The following NKAIN2 variants were observed in gnomAD, a reference collection of about 807,000 sequenced individuals.
NKAIN2 encodes the protein sodium/potassium transporting ATPase interacting 2, also known as sodium/potassium-transporting ATPase subunit beta-1-interacting protein 2.
NKAIN2 carries 14 observed loss-of-function variants against 32.6 expected under a neutral mutation model. That is an observed-to-expected ratio of 0.43 (90% CI 0.28 to 0.67). The LOEUF is 0.67. Among genes scored for constraint, NKAIN2 ranks in the 30% least tolerant of loss-of-function variants. NKAIN2 has a pLI of 0.17. For synonymous variants in NKAIN2, 80 were observed against 87.2 expected (o/e 0.92, Z 0.46); for missense variants, 198 against 258.3 (o/e 0.77, Z 1.60).
intron 5 of NKAIN2, among the ~76,000 whole-genome samples, chr6:124,817,157 A>G (rs1781201527): frequency 6.6e-6 from 1 of 152,230 alleles, no homozygotes; most frequent in African/African-American, 2.4e-5. Flanking sequence ...CCCACAGCCC[A>G]CAGGCTACAT....
intron 3 of NKAIN2, among the ~76,000 whole-genome samples, chr6:124,395,243 T>G (rs1298748951): frequency 6.6e-6 from 1 of 152,152 alleles, no homozygotes; most frequent in African/African-American, 2.4e-5. Flanking sequence ...TCCCACAGGA[T>G]GAACATCCAA....
At chr6:124,416,863 G>A (rs1774511865) in intron 3 of NKAIN2, among the ~76,000 whole-genome samples, 1 of 151,988 alleles carries the variant, frequency 6.6e-6, no homozygotes, top group Admixed American at 6.6e-5. Flanking sequence ...TCAGTTATAA[G>A]GAACCCTCCC....
intron 1 of NKAIN2, among the ~76,000 whole-genome samples, chr6:124,032,622 A>G (rs1231193605): frequency 6.6e-6 from 1 of 152,134 alleles, no homozygotes; most frequent in African/African-American, 2.4e-5. Flanking sequence ...GAGGTCTAAG[A>G]AGAAAGGTAC....
rs74464644 is a variant in NKAIN2, at chr6:124,373,438, G to A, written c.273+18091G>A. On this transcript the variant is annotated intron_variant, in intron 3 of 6. Transcript: ENST00000368417. Reference sequence around the variant, plus strand: ...CTCAAGCAGTGTTGTCAAGCAGGGTGTAGGGTGTGTCAGTCTTTAATTCAG... The same window carrying A: ...CTCAAGCAGTGTTGTCAAGCAGGGTATAGGGTGTGTCAGTCTTTAATTCAG... 2.6e-5 allele frequency among the ~76,000 whole-genome samples: 4 copies of A among 152,152 alleles called. No individual in the cohort carries two copies. In the East Asian group the frequency reaches 7.7e-4, roughly 29 times the overall value.
intron 1 of NKAIN2, among the ~76,000 whole-genome samples, chr6:124,186,860 A>T (rs2114569436): frequency 6.6e-6 from 1 of 152,314 alleles, no homozygotes; most frequent in South Asian, 2.1e-4. Context: ...GTTGCTATGC[A>T]TTTCAGAATT....
At chr6:123,856,478 C>A (rs1398777886) in intron 1 of NKAIN2, among the ~76,000 whole-genome samples, 1 of 152,130 alleles carries the variant, frequency 6.6e-6, no homozygotes, top group African/African-American at 2.4e-5. Context: ...TAGCCATTGG[C>A]ATATAAATGT....
At chr6:124,680,899 C>T (rs914538149) in intron 4 of NKAIN2, among the ~76,000 whole-genome samples, 1 of 151,664 alleles carries the variant, frequency 6.6e-6, no homozygotes, top group African/African-American at 2.4e-5. Context: ...AAAAACTAGG[C>T]ATATTTAAAA....
chr6:124,425,257 G>A (rs965857250), intron 3 of NKAIN2, among the ~76,000 whole-genome samples: 4 of 151,956 alleles, frequency 2.6e-5, no homozygotes, highest in African/African-American at 4.8e-5. Context: ...TGGGAAAACC[G>A]GATATCCACA....
rs1773919489 is a variant in NKAIN2 at position 123,889,936 on chromosome 6, G to A, written c.54+85682G>A. Among the ~76,000 whole-genome samples, 3 of 152,012 alleles carry A rather than the reference G, an allele frequency of 2.0e-5. No homozygotes were observed. In the South Asian group the frequency reaches 6.2e-4, roughly 32 times the overall value. On this transcript the variant is annotated intron_variant, in intron 1 of 6. Transcript: ENST00000368417. The stretch of plus-strand genomic sequence containing the variant: ...TTGGTTTTTAATTTTTTAGTTATTT[G>A]TAAGCCACAATGATGGCAGAAGATG...
intron 1 of NKAIN2, among the ~76,000 whole-genome samples, chr6:123,917,240 G>GT (rs753108575): frequency 0.011 from 1,676 of 145,876 alleles, 8 homozygotes; most frequent in South Asian, 0.02. Context: ...GATTTTATCT[G>GT]TTTTTTTTTT....
intron 1 of NKAIN2, among the ~76,000 whole-genome samples, chr6:124,165,599 C>T (rs62435642): frequency 6.6e-6 from 1 of 151,280 alleles, no homozygotes; most frequent in East Asian, 2.0e-4. Context: ...ATGTGCCATG[C>T]TGGTGTGCTG....
intron 1 of NKAIN2, among the ~76,000 whole-genome samples, chr6:123,864,173 T>C (rs937026141): frequency 6.6e-6 from 1 of 152,200 alleles, no homozygotes; most frequent in Non-Finnish European, 1.5e-5. Flanking sequence ...AGCTAGTGTC[T>C]CCCAGATTTC....
At chr6:124,445,640 A>C (rs6916786) in intron 3 of NKAIN2, among the ~76,000 whole-genome samples, 106,905 of 151,906 alleles carry the variant, frequency 0.7, 39,376 homozygotes, top group South Asian at 0.81. Context: ...ATTAACACCT[A>C]TAATCTTTTG....
chr6:124,721,398 C>A (rs895261598), intron 4 of NKAIN2, among the ~76,000 whole-genome samples: 2 of 124,928 alleles, frequency 1.6e-5, no homozygotes, highest in African/African-American at 3.2e-5. Flanking sequence ...AACGAGACTC[C>A]GTCTCAAAAA....
intron 1 of NKAIN2, among the ~76,000 whole-genome samples, chr6:124,078,558 G>T (rs117553362): frequency 6.6e-6 from 1 of 152,122 alleles, no homozygotes; most frequent in African/African-American, 2.4e-5. Context: ...TTGAATGCAG[G>T]CAGTGTAATA....
intron 4 of NKAIN2, among the ~76,000 whole-genome samples, chr6:124,754,999 A>T (rs1056078451): frequency 6.6e-6 from 1 of 152,166 alleles, no homozygotes; most frequent in Admixed American, 6.6e-5. Context: ...AAGGGAATTT[A>T]TTAGGGAGAA....
chr6:124,447,616 T>C (rs950585147), intron 3 of NKAIN2, among the ~76,000 whole-genome samples: 2 of 152,132 alleles, frequency 1.3e-5, no homozygotes, highest in African/African-American at 4.8e-5. Context: ...AACGGCACTT[T>C]CTTAGCAGAG....
chr6:124,331,597 G>A (rs1008458524), intron 2 of NKAIN2, among the ~76,000 whole-genome samples: 1 of 151,074 alleles, frequency 6.6e-6, no homozygotes, highest in African/African-American at 2.4e-5. Flanking sequence ...ATAATAAATA[G>A]GGCTCAGGAT....
chr6:124,558,777 A>G (rs971396324), intron 3 of NKAIN2, among the ~76,000 whole-genome samples: 3 of 152,202 alleles, frequency 2.0e-5, no homozygotes, highest in Admixed American at 6.5e-5. Context: ...GTGAAACCCC[A>G]TTTCTACTAA....
Sources: gnomAD v4.1 joint callset for allele counts (sites outside exome capture counted in the v4.1 genomes callset) on GRCh38, gnomAD v4.1.1 for gene constraint, MANE v1.5 for transcripts, NCBI Gene and HGNC (gene_info 2026-07-23, HGNC 2026-07-21) for gene names.